Variants in HS3ST3A1 observed in about 807,000 individuals in gnomAD.
HS3ST3A1 encodes the protein heparan sulfate glucosamine 3-O-sulfotransferase 3A1.
A neutral mutation model predicts 25.7 loss-of-function variants in HS3ST3A1; 19 were observed. The ratio of observed to expected loss-of-function variants is 0.74; its 90% CI spans 0.52 to 1.08. The LOEUF (loss-of-function observed/expected upper bound fraction) is 1.08. HS3ST3A1 is among the 50% of genes least tolerant of loss of function. The pLI is 0.00. For missense variants in HS3ST3A1, 459 were observed against 594.3 expected, an observed-to-expected ratio of 0.77 and a Z score of 2.37; for synonymous variants, 226 against 278.6, an observed-to-expected ratio of 0.81 and a Z score of 1.88.
chr17:13,527,104 A>G (rs1253190713), intron 1 of HS3ST3A1, among the ~76,000 whole-genome samples: 1 of 152,186 alleles, frequency 6.6e-6, no homozygotes, highest in Admixed American at 6.5e-5. Context: ...TCAAGCCCCA[A>G]GAGCTGAGGC....
intron 1 of HS3ST3A1, among the ~76,000 whole-genome samples, chr17:13,545,958 CAG>C (rs138678007): frequency 0.016 from 2,388 of 152,116 alleles, 60 homozygotes; most frequent in African/African-American, 0.054. Context: ...GCCTGGGTGA[CAG>C]AGCGAGTCTC....
chr17:13,502,116 C>A (rs754015418), intron 1 of HS3ST3A1, among the ~76,000 whole-genome samples: 2 of 152,108 alleles, frequency 1.3e-5, no homozygotes, highest in African/African-American at 4.8e-5. Flanking sequence ...TGGATCTGAT[C>A]TGTCACCCTG....
At chr17:13,562,368 G>A (rs1290949479) in intron 1 of HS3ST3A1, among the ~76,000 whole-genome samples, 2 of 152,062 alleles carry the variant, frequency 1.3e-5, no homozygotes, top group Admixed American at 6.6e-5. Flanking sequence ...TCTATTCTGC[G>A]AACATTTCAC....
At chr17:13,497,135 A>C (rs1905310264) in intron 1 of HS3ST3A1, among the ~76,000 whole-genome samples, 1 of 152,222 alleles carries the variant, frequency 6.6e-6, no homozygotes, top group East Asian at 1.9e-4. Flanking sequence ...TTTATCCACA[A>C]TGCTGTAAGA....
chr17:13,567,697 G>A (rs1034236302), intron 1 of HS3ST3A1, among the ~76,000 whole-genome samples: 8 of 152,224 alleles, frequency 5.3e-5, no homozygotes, highest in Non-Finnish European at 1.2e-4. Context: ...TCCAGATGTG[G>A]TGGAAATGGC....
At chr17:13,501,330 AC>A (rs2142292927) in intron 1 of HS3ST3A1, among the ~76,000 whole-genome samples, 2 of 151,122 alleles carry the variant, frequency 1.3e-5, no homozygotes, top group African/African-American at 5.0e-5. Context: ...ACTGAACCTA[AC>A]AGTGGTTAAA....
At chr17:13,571,948 C>CG (rs1812194023) in intron 1 of HS3ST3A1, among the ~76,000 whole-genome samples, 2 of 152,006 alleles carry the variant, frequency 1.3e-5, no homozygotes, top group Non-Finnish European at 2.9e-5. Context: ...TTAGTACAGA[C>CG]GGGGTTTCGC....
At chr17:13,499,649 G>C (rs1374720094) in intron 1 of HS3ST3A1, among the ~76,000 whole-genome samples, 2 of 152,086 alleles carry the variant, frequency 1.3e-5, no homozygotes, top group Admixed American at 1.3e-4. Flanking sequence ...GACTTTTGCA[G>C]AGATTGAGGC....
rs1908702994 is a variant in HS3ST3A1, at chr17:13,600,721, G to C, written c.409C>G (p.Pro137Ala). 1 of 1,549,816 alleles carries C rather than the reference G, an allele frequency of 6.5e-7. No homozygotes were observed. The highest frequency in any genetic ancestry group is 8.7e-7 in the Non-Finnish European group (1 of 1,155,154). Residue 137 changes from proline to alanine, a missense_variant, in exon 1 of 2, where the codon CCG (proline) becomes GCG (alanine). Physicochemically the swap from Pro to Ala is conservative, Grantham distance 27 (BLOSUM62 -1). This residue lies in a region of HS3ST3A1 where 346 missense variants were observed against 303.9 expected (regional missense o/e 1.14). Coordinates refer to ENST00000284110, the MANE Select transcript of HS3ST3A1 (RefSeq NM_006042.3). ...AGGAGCAGCGCCAGGGTCCCCGGCG[G>C]GGCCTCGGCCACGGTGCTTCCGGCC... ...SGAGSTVAEA[P>A]PGTLALLLDE... is the part of the protein sequence containing the mutation.
At chr17:13,597,924 G>A (rs1042722694) in intron 1 of HS3ST3A1, among the ~76,000 whole-genome samples, 2 of 152,222 alleles carry the variant, frequency 1.3e-5, no homozygotes, top group African/African-American at 4.8e-5. Flanking sequence ...TGTGAGGACA[G>A]TAGGTGGCAC....
At chr17:13,539,850 G>C (rs1300313044) in intron 1 of HS3ST3A1, among the ~76,000 whole-genome samples, 1 of 152,174 alleles carries the variant, frequency 6.6e-6, no homozygotes, top group Non-Finnish European at 1.5e-5. Context: ...TTCTGATTTT[G>C]TATGATCTTT....
At chr17:13,496,964 G>A (rs1437593492) in intron 1 of HS3ST3A1, 146 bp from the exon 2 acceptor site, 2 of 1,068,698 alleles carry the variant, frequency 1.9e-6, no homozygotes, top group South Asian at 1.6e-5. Flanking sequence ...GTCGCACAAC[G>A]AGCCCCGCAC....
chr17:13,564,267 T>A (rs1206178258), intron 1 of HS3ST3A1, among the ~76,000 whole-genome samples: 1 of 152,188 alleles, frequency 6.6e-6, no homozygotes. Flanking sequence ...GCAGTAGGGA[T>A]TTTCTCAAAA....
intron 1 of HS3ST3A1, among the ~76,000 whole-genome samples, chr17:13,564,099 A>G (rs929273250): frequency 3.9e-5 from 6 of 152,240 alleles, no homozygotes; most frequent in African/African-American, 1.4e-4. Context: ...CTGTTAATCC[A>G]GGAAAGCAAT....
At chr17:13,521,356 G>A (rs568543487) in intron 1 of HS3ST3A1, among the ~76,000 whole-genome samples, 2 of 152,302 alleles carry the variant, frequency 1.3e-5, no homozygotes, top group African/African-American at 4.8e-5. Flanking sequence ...TTAGCCTGAT[G>A]GGGAATAAAC....
At chr17:13,508,134 G>A (rs1382873729) in intron 1 of HS3ST3A1, among the ~76,000 whole-genome samples, 1 of 152,086 alleles carries the variant, frequency 6.6e-6, no homozygotes. Context: ...TAAACATCAG[G>A]GTTAGAGCCC....
At chr17:13,541,830 TC>T (rs994259901) in intron 1 of HS3ST3A1, among the ~76,000 whole-genome samples, 3 of 152,162 alleles carry the variant, frequency 2.0e-5, no homozygotes, top group African/African-American at 7.2e-5. Flanking sequence ...TTCACACACC[TC>T]CAGAAACCTC....
At chr17:13,588,281 A>G (rs947823761) in intron 1 of HS3ST3A1, among the ~76,000 whole-genome samples, 1 of 152,118 alleles carries the variant, frequency 6.6e-6, no homozygotes, top group Non-Finnish European at 1.5e-5. Flanking sequence ...AAAAAAAAAA[A>G]ATTGCTGACA....
At chr17:13,519,963 T>C (rs141473996) in intron 1 of HS3ST3A1, among the ~76,000 whole-genome samples, 226 of 152,326 alleles carry the variant, frequency 1.5e-3, no homozygotes, top group Middle Eastern at 3.4e-3. Flanking sequence ...GAAAATAGCA[T>C]GAAACTATGT....
Sources: allele counts gnomAD v4.1 joint callset (sites outside exome capture counted in the v4.1 genomes callset), GRCh38; gene constraint gnomAD v4.1.1; regional missense constraint gnomAD v4.1.1; transcripts MANE v1.5; gene names NCBI Gene and HGNC (gene_info 2026-07-23, HGNC 2026-07-21).